Variants in NOL10 observed in about 807,000 individuals in gnomAD.
The protein encoded by NOL10 is nucleolar protein 10, also known as H_NH0074G24.1.
NOL10 carries 58 observed loss-of-function variants against 103.5 expected under a neutral mutation model. The observed-to-expected ratio is 0.56, with a 90% CI of 0.45 to 0.70. The LOEUF (loss-of-function observed/expected upper bound fraction) is 0.70, where lower values mean the gene tolerates loss of function less well. Among genes scored for constraint, NOL10 ranks in the 30% least tolerant of loss-of-function variants. NOL10 has a pLI of 0.00. For synonymous variants in NOL10, 287 were observed against 282.5 expected (o/e 1.02, Z -0.16); for missense variants, 763 against 807.3 (o/e 0.95, Z 0.67).
At chr2:10,592,328 G>C (rs543452030) in intron 17 of NOL10, among the ~76,000 whole-genome samples, 1 of 152,188 alleles carries the variant, frequency 6.6e-6, no homozygotes, top group Non-Finnish European at 1.5e-5. Flanking sequence ...CACTGAGTTA[G>C]AATCCATCAC....
intron 13 of NOL10, among the ~76,000 whole-genome samples, chr2:10,615,648 C>A (rs1676794899): frequency 6.6e-6 from 1 of 152,144 alleles, no homozygotes; most frequent in Non-Finnish European, 1.5e-5. Flanking sequence ...GAAGAAGATG[C>A]AGTAATTTAA....
rs746920797 is a variant in NOL10, at chr2:10,607,305, C to G, written c.1033G>C (p.Gly345Arg). The G allele has an allele frequency of 2.3e-5, 37 of 1,597,398 alleles. No individual in the cohort carries two copies. The highest frequency in any genetic ancestry group is 3.0e-5 in the Non-Finnish European group (35 of 1,173,132). Residue 345 changes from glycine (G) to arginine (R), a missense_variant, in exon 14 of 21, where the codon GGT becomes CGT. Transcript: ENST00000381685. ...AAGGAACACCACCGAGGAGCAGGAC[C>G]CAAAACCTGTTGGTGTTTATGAGAA... ...KMGIYYIPVLGPAPRWCSFLD... is the reference protein window; with the variant it reads ...KMGIYYIPVLRPAPRWCSFLD...
chr2:10,652,230 ACT>A (rs975309970), intron 12 of NOL10, among the ~76,000 whole-genome samples: 12 of 147,090 alleles, frequency 8.2e-5, no homozygotes, highest in African/African-American at 2.5e-4. Context: ...ACAGAGGGAG[ACT>A]CTGTCTCAAA....
At chr2:10,683,895 A>G (rs1681957707) in intron 2 of NOL10, among the ~76,000 whole-genome samples, 2 of 152,140 alleles carry the variant, frequency 1.3e-5, no homozygotes, top group Non-Finnish European at 2.9e-5. Flanking sequence ...TATCCATGAA[A>G]CGGTAACAGG....
At chr2:10,597,823 G>T (rs746477207) in intron 17 of NOL10, among the ~76,000 whole-genome samples, 1 of 152,192 alleles carries the variant, frequency 6.6e-6, no homozygotes, top group Admixed American at 6.5e-5. Flanking sequence ...CTGTTTGATG[G>T]AAGAAGATAG....
Position 10,571,273 on chromosome 2 carries a change from C to G in NOL10, c.*798G>C, listed in dbSNP as rs1434897125. 1 of 152,358 alleles carries G rather than the reference C, an allele frequency of 6.6e-6. No homozygotes were observed. Among genetic ancestry groups the G allele is most frequent in the East Asian group, 1.9e-4 (1 of 5,180 alleles). 9.4% of individuals were successfully genotyped at this position (152,358 alleles called of 1,614,324 possible). On this transcript the variant is annotated 3_prime_UTR_variant, in exon 21 of 21. Coordinates refer to ENST00000381685, the MANE Select transcript of NOL10 (RefSeq NM_024894.4). Reference sequence around the variant, plus strand: ...GCAGCATCTGCCCCTTTGCCCTCCTCCTCTGGCTCTAGCCACGCAGGACAT... The same window carrying G: ...GCAGCATCTGCCCCTTTGCCCTCCTGCTCTGGCTCTAGCCACGCAGGACAT...
At chr2:10,664,131 A>C (rs1034839345) in intron 8 of NOL10, among the ~76,000 whole-genome samples, 17 of 149,844 alleles carry the variant, frequency 1.1e-4, no homozygotes, top group East Asian at 6.0e-4. Context: ...AAAAAAAAAA[A>C]CCCAAAAAAA....
intron 12 of NOL10, among the ~76,000 whole-genome samples, chr2:10,646,804 C>T (rs1004004510): frequency 6.6e-6 from 1 of 152,172 alleles, no homozygotes; most frequent in African/African-American, 2.4e-5. Context: ...TCTGACACTT[C>T]ATCAACTAAG....
At chr2:10,582,085 AT>A (rs1209091821) in intron 19 of NOL10, among the ~76,000 whole-genome samples, 7 of 152,250 alleles carry the variant, frequency 4.6e-5, no homozygotes, top group African/African-American at 1.7e-4. Flanking sequence ...CTTTTTAAAA[AT>A]GTAAGCCTGG....
At chr2:10,573,674 G>C (rs1418874011) in intron 20 of NOL10, among the ~76,000 whole-genome samples, 2 of 147,430 alleles carry the variant, frequency 1.4e-5, no homozygotes, top group African/African-American at 5.2e-5. Context: ...AAAAAAAAAG[G>C]ATGCATTTCT....
chr2:10,607,112 C>T, intron 14 of NOL10, 73 bp downstream of exon 14: 2 of 1,044,356 alleles, frequency 1.9e-6, no homozygotes, highest in Non-Finnish European at 2.7e-6. Context: ...TCAGCCAATT[C>T]TCATGTTCAA....
intron 17 of NOL10, among the ~76,000 whole-genome samples, chr2:10,590,406 G>T (rs907026503): frequency 6.6e-6 from 1 of 152,100 alleles, no homozygotes; most frequent in Non-Finnish European, 1.5e-5. Context: ...CTGAAAACAG[G>T]GCTTTTAAAT....
chr2:10,614,281 G>A (rs1676722560), intron 13 of NOL10, among the ~76,000 whole-genome samples: 1 of 151,878 alleles, frequency 6.6e-6, no homozygotes, highest in Non-Finnish European at 1.5e-5. Context: ...TTTAAATCCA[G>A]GTCTAACCAG....
intron 18 of NOL10, 111 bp from the exon 19 acceptor site, chr2:10,589,401 T>G: frequency 7.0e-7 from 1 of 1,419,076 alleles, no homozygotes; most frequent in Non-Finnish European, 9.5e-7. Flanking sequence ...GCTGCTCTAC[T>G]GCATGCATCA....
At position 10,668,679 on chromosome 2, in the gene NOL10, T is replaced by C; in HGVS notation, c.509A>G (p.Asn170Ser). 9 of 1,548,122 alleles carry C rather than the reference T, an allele frequency of 5.8e-6. No homozygotes were observed. The highest frequency in any genetic ancestry group is 7.0e-6 in the Non-Finnish European group (8 of 1,136,660). ...RLNLEQGRYL[N>S]PLQTDAAENN... is the part of the protein sequence containing the mutation. ...TCACGCAGCATCAGTTTGTAGAGGA[T>C]TCAGGTATCGTCCTTGTTCTAAGTT... The change falls in exon 7 of 21, where the codon AAT becomes AGT. Residue 170 changes from asparagine to serine, a missense_variant. Transcript: ENST00000381685.
intron 16 of NOL10, 145 bp downstream of exon 16, chr2:10,602,631 A>G: frequency 1.6e-6 from 1 of 620,570 alleles, no homozygotes; most frequent in Non-Finnish European, 2.7e-6. Flanking sequence ...ACTGATGACA[A>G]ACAAACTATA....
At chr2:10,590,558 AGT>A (rs1675341363) in intron 17 of NOL10, among the ~76,000 whole-genome samples, 1 of 151,672 alleles carries the variant, frequency 6.6e-6, no homozygotes, top group Non-Finnish European at 1.5e-5. Flanking sequence ...ATTCCAGCTG[AGT>A]TACTGGGAAA....
intron 14 of NOL10, 48 bp downstream of exon 14, chr2:10,607,137 G>T: frequency 7.6e-7 from 1 of 1,321,996 alleles, no homozygotes. Context: ...CAAAAAAAAA[G>T]TAGAAATAAA....
intron 13 of NOL10, among the ~76,000 whole-genome samples, chr2:10,612,397 A>C (rs533214447): frequency 5.9e-5 from 9 of 152,378 alleles, no homozygotes; most frequent in African/African-American, 1.9e-4. Flanking sequence ...AATGCTACTG[A>C]GTATGACAAA....
Sources: allele counts gnomAD v4.1 joint callset (sites outside exome capture counted in the v4.1 genomes callset), GRCh38; gene constraint gnomAD v4.1.1; transcripts MANE v1.5; gene names NCBI Gene and HGNC (gene_info 2026-07-23, HGNC 2026-07-21).